ADCY9: variants seen among roughly 807,000 people sequenced by gnomAD.
ADCY9 encodes adenylate cyclase type 9.
Under a neutral mutation model 101.5 loss-of-function variants are expected in ADCY9, and 50 were observed. The ratio of observed to expected loss-of-function variants is 0.49; its 90% CI spans 0.39 to 0.62. ADCY9 has a LOEUF of 0.62. Among genes scored for constraint, ADCY9 ranks in the 20% least tolerant of loss-of-function variants. The pLI is 0.00. For missense variants in ADCY9, 1,662 were observed against 1,800.4 expected (o/e 0.92, Z 1.39); for synonymous variants, 905 against 769.3 (o/e 1.18, Z -2.92).
intron 2 of ADCY9, among the ~76,000 whole-genome samples, chr16:4,009,341 G>A (rs1002333457): frequency 6.6e-6 from 1 of 152,146 alleles, no homozygotes; most frequent in Non-Finnish European, 1.5e-5. Flanking sequence ...GTGCAACCAT[G>A]GCTCCCTACA....
intron 3 of ADCY9, among the ~76,000 whole-genome samples, chr16:3,997,524 C>G (rs945861713): frequency 3.3e-5 from 5 of 152,252 alleles, no homozygotes; most frequent in Non-Finnish European, 5.9e-5. Context: ...GAAGTGAGGT[C>G]TGGCAGAGCC....
At chr16:4,099,922 T>C (rs2057031632) in intron 2 of ADCY9, among the ~76,000 whole-genome samples, 1 of 152,184 alleles carries the variant, frequency 6.6e-6, no homozygotes. Flanking sequence ...GGCGTGGTGG[T>C]GCACATGTGC....
chr16:4,006,159 T>C (rs1764156864), intron 3 of ADCY9, among the ~76,000 whole-genome samples: 1 of 152,070 alleles, frequency 6.6e-6, no homozygotes, highest in Non-Finnish European at 1.5e-5. Context: ...TGGAGACATT[T>C]TTGGTTGGCA....
chr16:3,960,390 C>T (rs1335829485), downstream of ADCY9, among the ~76,000 whole-genome samples: 3 of 151,968 alleles, frequency 2.0e-5, no homozygotes, highest in South Asian at 2.1e-4. Flanking sequence ...CATGGTGGCA[C>T]GAGCACCTGT....
chr16:3,965,970 G>C lies in ADCY9; in HGVS notation c.3867C>G (p.Asp1289Glu). 6.2e-7 allele frequency: 1 copy of C among 1,614,194 alleles called. No homozygotes were observed. Among genetic ancestry groups the C allele is most frequent in the Non-Finnish European group, 8.5e-7 (1 of 1,180,046 alleles). Residue 1289 changes from aspartate (D) to glutamate (E), a missense_variant, in exon 11 of 11, where the codon GAC becomes GAG. Physicochemically the swap from Asp to Glu is conservative, Grantham distance 45. This residue lies in a region of ADCY9 where 168 missense variants were observed against 155.3 expected (regional missense o/e 1.08). Transcript: ENST00000294016. ...ANLVPSVQYV[D>E]KTSLGSDSST... ...TGCTGTCAGAACCCAGAGATGTCTT[G>C]TCCACATACTGGACAGAAGGCACCA...
intron 2 of ADCY9, among the ~76,000 whole-genome samples, chr16:4,028,015 G>T (rs936183025): frequency 1.3e-4 from 20 of 152,028 alleles, no homozygotes; most frequent in African/African-American, 4.8e-4. Flanking sequence ...GGAATTGTGG[G>T]AGTCACAATT....
In ADCY9 at chr16:4,115,103, G is replaced by T. The variant is rs750572939; in HGVS notation, c.340C>A (p.Arg114Ser). Residue 114 changes from arginine (R) to serine (S), a missense_variant, in exon 2 of 11, where the codon CGC (arginine) becomes AGC (serine). Physicochemically the swap from Arg to Ser is moderately radical, Grantham distance 110. Coordinates refer to ENST00000294016, the MANE Select transcript of ADCY9 (RefSeq NM_001116.4). The surrounding 1 kb of genome is among the most constrained non-coding windows in gnomAD (Gnocchi z 6.2). ...TAGAAGAGCGCATACCGGAACCGGC[G>T]CTGGGTCTGCGGGAAGCAGCGCTCC... ...CLERCFPQTQ[R>S]RFRYALFYIG... The T allele has an allele frequency of 2.5e-6, 4 of 1,613,888 alleles. No homozygotes were observed. In the South Asian group the frequency reaches 4.4e-5, roughly 18 times the overall value.
intron 2 of ADCY9, among the ~76,000 whole-genome samples, chr16:4,043,030 G>C (rs1350929597): frequency 2.0e-5 from 3 of 152,076 alleles, no homozygotes; most frequent in Non-Finnish European, 4.4e-5. Context: ...AGGAGATCGA[G>C]ACCATCCTGA....
chr16:3,993,238 T>G, intron 4 of ADCY9, 168 bp downstream of exon 4: 1 of 1,270,812 alleles, frequency 7.9e-7, no homozygotes, highest in South Asian at 1.6e-5. Flanking sequence ...TGACCCTCCC[T>G]CGAGCTCCCT....
chr16:3,955,418 G>T (rs2055901797), intron 5 of ADCY9, among the ~76,000 whole-genome samples: 1 of 152,128 alleles, frequency 6.6e-6, no homozygotes, highest in South Asian at 2.1e-4. Flanking sequence ...TTGAATTAAT[G>T]TCCTGAAAGT....
At chr16:3,983,762 A>ATTTTAAAAATTTT (rs1419814803) in intron 6 of ADCY9, 5 of 314,050 alleles carry the variant, frequency 1.6e-5, no homozygotes, top group African/African-American at 2.1e-5. Context: ...CCATCTCTAC[A>ATTTTAAAAATTTT]AAAAACTTTA....
intron 2 of ADCY9, among the ~76,000 whole-genome samples, chr16:4,075,359 G>C (rs1334053984): frequency 6.6e-6 from 1 of 152,048 alleles, no homozygotes; most frequent in Admixed American, 6.6e-5. Context: ...GGCTAGTCTC[G>C]AACTCCTGAC....
intron 2 of ADCY9, among the ~76,000 whole-genome samples, chr16:4,076,471 C>A (rs2056867839): frequency 6.6e-6 from 1 of 152,196 alleles, no homozygotes; most frequent in Non-Finnish European, 1.5e-5. Context: ...TAACCTAACT[C>A]GTCCCACACA....
rs1597234535 is a variant in ADCY9, at chr16:4,111,457, C to T, written c.1693+2293G>A. Reference sequence around the variant, plus strand: ...AAAACATCTGCCACCAGCCCAAAGGCAGAGGCTAAAATCGATCTTACATGT... The same window carrying T: ...AAAACATCTGCCACCAGCCCAAAGGTAGAGGCTAAAATCGATCTTACATGT... On this transcript the variant is annotated intron_variant, in intron 2 of 10. Coordinates refer to ENST00000294016, the MANE Select transcript of ADCY9 (RefSeq NM_001116.4). Among the ~76,000 whole-genome samples, 6 of 152,248 alleles carry T rather than the reference C, an allele frequency of 3.9e-5. No individual in the cohort carries two copies. In the South Asian group the frequency reaches 1.2e-3, roughly 32 times the overall value.
chr16:4,115,813 G>T lies in ADCY9; in HGVS notation c.-167C>A. ...GCCGCGCGGCTTCTCCTCCTCGCGC[G>T]CTCGCCTCCTCCAGCTGCGGCTCCG... On this transcript the variant is annotated 5_prime_UTR_variant, in exon 1 of 11. Transcript: ENST00000294016. The surrounding 1 kb of genome is among the most constrained non-coding windows in gnomAD (Gnocchi z 6.2). 1 of 401,942 alleles carries T rather than the reference G, an allele frequency of 2.5e-6. No homozygotes were observed. Among genetic ancestry groups the T allele is most frequent in the Non-Finnish European group, 4.4e-6 (1 of 228,486 alleles). The allele number at this position is 401,942 out of a possible 1,614,324, so 24.9% of individuals were successfully genotyped here. A position where few individuals can be genotyped will look rare whatever the true frequency, so the allele number is the denominator to read the frequency against.
chr16:3,970,323 G>A (rs776072736), intron 10 of ADCY9, among the ~76,000 whole-genome samples: 3 of 152,092 alleles, frequency 2.0e-5, no homozygotes, highest in Non-Finnish European at 2.9e-5. Context: ...GAGCCACCAC[G>A]CCTGGCCAAA....
intron 10 of ADCY9, among the ~76,000 whole-genome samples, chr16:3,969,777 G>C (rs1479937117): frequency 6.7e-6 from 1 of 149,906 alleles, no homozygotes; most frequent in East Asian, 2.0e-4. Flanking sequence ...ACCACACCTG[G>C]CTAATTTTTT....
chr16:3,973,210 A>C (rs1182715663), intron 10 of ADCY9, among the ~76,000 whole-genome samples: 2 of 151,224 alleles, frequency 1.3e-5, no homozygotes, highest in South Asian at 4.2e-4. Flanking sequence ...TCTTTTTTTT[A>C]TTTTATTTTA....
intron 2 of ADCY9, among the ~76,000 whole-genome samples, chr16:4,038,253 C>T (rs1486962640): frequency 2.7e-5 from 4 of 149,220 alleles, no homozygotes; most frequent in African/African-American, 1.0e-4. Flanking sequence ...TGCACTCCAG[C>T]TTGGGCGACA....
Sources: gnomAD v4.1 joint callset for allele counts (sites outside exome capture counted in the v4.1 genomes callset) on GRCh38, gnomAD v4.1.1 for gene constraint, gnomAD v4.1.1 regional missense constraint, Gnocchi (gnomAD v3.1) non-coding constraint, MANE v1.5 for transcripts, NCBI Gene and HGNC (gene_info 2026-07-23, HGNC 2026-07-21) for gene names.